Variants in LSAMP observed in about 807,000 individuals in gnomAD.
LSAMP encodes limbic system associated membrane protein.
LSAMP carries 7 observed loss-of-function variants against 38.6 expected under a neutral mutation model. That is an observed-to-expected ratio of 0.18 (90% CI 0.10 to 0.34). LSAMP has a LOEUF of 0.34. Among genes scored for constraint, LSAMP ranks in the 10% least tolerant of loss-of-function variants. LSAMP has a pLI of 1.00. For synonymous variants in LSAMP, 154 were observed against 166.8 expected (o/e 0.92, Z 0.59); for missense variants, 313 against 420.0 (o/e 0.75, Z 2.23).
At position 115,814,468 on chromosome 3, in the gene LSAMP, T is replaced by C. The variant is rs367743740; in HGVS notation, c.920-4054A>G. Among the ~76,000 whole-genome samples the C allele has an allele frequency of 3.3e-5, 5 of 152,334 alleles. No homozygotes were observed. In the South Asian group the frequency reaches 6.2e-4, roughly 19 times the overall value. ...CAGGATCTGGAGCCAATTGATTTGT[T>C]TTTCAGAAAAATCTCAAGTAAAGGA... On this transcript the variant is annotated intron_variant, in intron 6 of 6. Coordinates refer to ENST00000490035, the MANE Select transcript of LSAMP (RefSeq NM_002338.5).
chr3:116,306,664 G>A (rs1384185390), intron 1 of LSAMP, among the ~76,000 whole-genome samples: 1 of 151,942 alleles, frequency 6.6e-6, no homozygotes, highest in East Asian at 1.9e-4. Flanking sequence ...CAGCTGCAGG[G>A]AAAAGAGATG....
chr3:115,838,795 A>T (rs1389282317), intron 6 of LSAMP, among the ~76,000 whole-genome samples: 1 of 152,172 alleles, frequency 6.6e-6, no homozygotes, highest in African/African-American at 2.4e-5. Context: ...GAGAGTGGGG[A>T]AGTGTATGTA....
At chr3:116,164,523 T>C (rs1287166833) in intron 1 of LSAMP, among the ~76,000 whole-genome samples, 1 of 147,042 alleles carries the variant, frequency 6.8e-6, no homozygotes, top group Non-Finnish European at 1.5e-5. Context: ...ATAAACTGTT[T>C]AGTAAGTAAT....
intron 1 of LSAMP, among the ~76,000 whole-genome samples, chr3:116,442,621 A>C (rs1451799740): frequency 6.6e-6 from 1 of 152,194 alleles, no homozygotes; most frequent in Non-Finnish European, 1.5e-5. Flanking sequence ...ATGAAGCTCC[A>C]CCAACCCCAA....
intron 1 of LSAMP, among the ~76,000 whole-genome samples, chr3:116,115,541 ATTTCTT>A (rs1426460179): frequency 2.0e-5 from 3 of 152,024 alleles, no homozygotes; most frequent in Admixed American, 1.3e-4. Flanking sequence ...TCTCTTGTCC[ATTTCTT>A]TTTCTTTTTC....
intron 3 of LSAMP, among the ~76,000 whole-genome samples, chr3:115,973,823 C>T (rs1036573949): frequency 2.6e-5 from 4 of 152,114 alleles, no homozygotes; most frequent in African/African-American, 9.7e-5. Flanking sequence ...ATTTTGTTCA[C>T]AAAACAACAT....
chr3:116,398,623 G>A (rs1168488312), intron 1 of LSAMP, among the ~76,000 whole-genome samples: 3 of 152,212 alleles, frequency 2.0e-5, no homozygotes, highest in South Asian at 2.1e-4. Context: ...AAAAGCATTA[G>A]AAAAGTGTAT....
intron 1 of LSAMP, among the ~76,000 whole-genome samples, chr3:116,417,141 G>A (rs2049061467): frequency 6.6e-6 from 1 of 152,154 alleles, no homozygotes; most frequent in Admixed American, 6.5e-5. Context: ...AAGTTCAGGA[G>A]CAAATGGTGT....
chr3:116,209,325 G>C (rs1368190970), intron 1 of LSAMP, among the ~76,000 whole-genome samples: 2 of 152,160 alleles, frequency 1.3e-5, no homozygotes, highest in African/African-American at 4.8e-5. Flanking sequence ...GATGAACCCA[G>C]TACCTCAGAT....
intron 3 of LSAMP, among the ~76,000 whole-genome samples, chr3:115,977,048 C>T (rs190990912): frequency 2.6e-5 from 4 of 151,772 alleles, no homozygotes; most frequent in South Asian, 4.2e-4. Flanking sequence ...TAACATTGAG[C>T]GGAAGAAATG....
intron 3 of LSAMP, among the ~76,000 whole-genome samples, chr3:116,005,031 T>C (rs931261933): frequency 2.0e-5 from 3 of 152,134 alleles, no homozygotes; most frequent in Non-Finnish European, 2.9e-5. Context: ...GTGATGGTAG[T>C]AATAGTAGCA....
At chr3:116,355,091 C>T (rs2048203875) in intron 1 of LSAMP, among the ~76,000 whole-genome samples, 3 of 151,992 alleles carry the variant, frequency 2.0e-5, no homozygotes, top group Admixed American at 6.5e-5. Context: ...GATGACATAA[C>T]ATTAACTTGT....
At chr3:116,226,600 G>C (rs900095885) in intron 1 of LSAMP, among the ~76,000 whole-genome samples, 1 of 152,192 alleles carries the variant, frequency 6.6e-6, no homozygotes, top group African/African-American at 2.4e-5. Context: ...TTTAACATTG[G>C]TTGTTCATCT....
At chr3:115,910,912 T>C (rs939892494) in intron 3 of LSAMP, among the ~76,000 whole-genome samples, 23 of 152,076 alleles carry the variant, frequency 1.5e-4, no homozygotes, top group Non-Finnish European at 2.5e-4. Context: ...AATAGTAGAG[T>C]AGGGTGACTA....
chr3:116,263,637 C>T (rs575009853), intron 1 of LSAMP, among the ~76,000 whole-genome samples: 4 of 150,920 alleles, frequency 2.7e-5, no homozygotes, highest in African/African-American at 9.7e-5. Context: ...TCCTATAAAG[C>T]ACATATCAAA....
At chr3:116,094,318 GTTC>G (rs1437328539) in intron 1 of LSAMP, among the ~76,000 whole-genome samples, 1 of 152,110 alleles carries the variant, frequency 6.6e-6, no homozygotes, top group Non-Finnish European at 1.5e-5. Flanking sequence ...CCTAGCTTTA[GTTC>G]TTTTCACACC....
intron 1 of LSAMP, among the ~76,000 whole-genome samples, chr3:116,350,087 A>G (rs1487493941): frequency 6.6e-6 from 1 of 152,064 alleles, no homozygotes; most frequent in Non-Finnish European, 1.5e-5. Flanking sequence ...TACTTTGGAT[A>G]TTAAAATAAT....
intron 1 of LSAMP, among the ~76,000 whole-genome samples, chr3:116,156,903 T>A (rs1290027384): frequency 6.6e-6 from 1 of 152,136 alleles, no homozygotes; most frequent in Non-Finnish European, 1.5e-5. Flanking sequence ...TTTAGATGCT[T>A]AATGAGCAGC....
intron 1 of LSAMP, among the ~76,000 whole-genome samples, chr3:116,145,169 C>A (rs1709463263): frequency 6.6e-6 from 1 of 151,648 alleles, no homozygotes; most frequent in Non-Finnish European, 1.5e-5. Context: ...ATCTTAAGAC[C>A]TTCTTGTTCT....
Sources: allele counts gnomAD v4.1 joint callset (sites outside exome capture counted in the v4.1 genomes callset), GRCh38; gene constraint gnomAD v4.1.1; transcripts MANE v1.5; gene names NCBI Gene and HGNC (gene_info 2026-07-23, HGNC 2026-07-21).